ZEB1: variants seen among roughly 807,000 people sequenced by gnomAD.
The protein encoded by ZEB1 is zinc finger E-box-binding homeobox 1.
Under a neutral mutation model 84.9 loss-of-function variants are expected in ZEB1, and 21 were observed. The observed-to-expected ratio is 0.25, with a 90% CI of 0.18 to 0.36. ZEB1 has a LOEUF of 0.36. Ranked by LOEUF, ZEB1 falls within the 10% of genes least tolerant of loss-of-function variation. ZEB1 has a pLI of 1.00. For synonymous variants in ZEB1, 420 were observed against 471.1 expected (o/e 0.89, Z 1.41); for missense variants, 1,104 against 1,330.2 (o/e 0.83, Z 2.65).
intron 1 of ZEB1, among the ~76,000 whole-genome samples, chr10:31,440,796 C>T (rs2058850580): frequency 6.6e-6 from 1 of 152,154 alleles, no homozygotes; most frequent in African/African-American, 2.4e-5. Flanking sequence ...TGAGTGAACC[C>T]CCATTCACAA....
intron 2 of ZEB1, among the ~76,000 whole-genome samples, chr10:31,465,199 T>TA (rs950632960): frequency 6.6e-6 from 1 of 151,890 alleles, no homozygotes; most frequent in South Asian, 2.1e-4. Context: ...AATATAAAAA[T>TA]AAAAAACAAG....
At chr10:31,325,388 T>C (rs2035233196) in intron 1 of ZEB1, among the ~76,000 whole-genome samples, 3 of 152,070 alleles carry the variant, frequency 2.0e-5, no homozygotes, top group Admixed American at 2.0e-4. Context: ...CTTTTCTCTT[T>C]CTTCAAACAG....
At chr10:31,341,022 T>G (rs192663914) in intron 1 of ZEB1, among the ~76,000 whole-genome samples, 9 of 152,196 alleles carry the variant, frequency 5.9e-5, no homozygotes, top group Admixed American at 1.3e-4. Flanking sequence ...TCTGGAGAGA[T>G]ACGAAACCAA....
Position 31,521,328 on chromosome 10 carries a change from G to A in ZEB1, c.1996G>A (p.Ala666Thr). ...PAKNNDQPQS[A>T]NANEPQDSTV... ...CAAGAACAATGATCAGCCTCAATCT[G>A]CAAATGCAAATGAACCCCAGGACAG... The change falls in exon 7 of 9, where the codon GCA becomes ACA. Residue 666 changes from alanine (A) to threonine (T), a missense_variant. Around this residue, in one of 7 missense-constraint regions of ZEB1, gnomAD observed 531 missense variants for 575.2 expected, o/e 0.92. Transcript: ENST00000424869. The A allele has an allele frequency of 6.2e-7, 1 of 1,614,074 alleles. No homozygotes were observed. Among genetic ancestry groups the A allele is most frequent in the Non-Finnish European group, 8.5e-7 (1 of 1,180,008 alleles).
At chr10:31,471,095 G>A (rs1485571700) in intron 2 of ZEB1, among the ~76,000 whole-genome samples, 1 of 131,052 alleles carries the variant, frequency 7.6e-6, no homozygotes, top group Non-Finnish European at 1.6e-5. Flanking sequence ...ACCGGTACCA[G>A]CCGCTGCAAA....
At chr10:31,425,239 TTTTA>T (rs1321312924) in intron 1 of ZEB1, among the ~76,000 whole-genome samples, 1 of 152,042 alleles carries the variant, frequency 6.6e-6, no homozygotes, top group Non-Finnish European at 1.5e-5. Context: ...TAGACAGCCT[TTTTA>T]TTTGAGAATA....
chr10:31,352,521 G>A (rs1807474750), intron 1 of ZEB1, among the ~76,000 whole-genome samples: 1 of 152,136 alleles, frequency 6.6e-6, no homozygotes, highest in Non-Finnish European at 1.5e-5. Flanking sequence ...TCATAATTTT[G>A]AGAGTTGACT....
chr10:31,326,628 A>C (rs963719538), intron 1 of ZEB1, among the ~76,000 whole-genome samples: 4 of 152,228 alleles, frequency 2.6e-5, no homozygotes. Flanking sequence ...ACTAGGTCAC[A>C]GCTTTTTGGG....
chr10:31,321,794 T>C (rs2034153211), intron 1 of ZEB1: 1 of 519,150 alleles, frequency 1.9e-6, no homozygotes, highest in East Asian at 3.2e-5. Context: ...TGAAAGATAC[T>C]TGAAATCAAC....
At chr10:31,454,067 A>G (rs1380905072) in intron 1 of ZEB1, among the ~76,000 whole-genome samples, 2 of 152,208 alleles carry the variant, frequency 1.3e-5, no homozygotes, top group Non-Finnish European at 2.9e-5. Flanking sequence ...CACCACGATC[A>G]AATCAGCTTC....
intron 1 of ZEB1, among the ~76,000 whole-genome samples, chr10:31,346,327 A>T (rs1047852223): frequency 2.0e-5 from 3 of 152,268 alleles, no homozygotes; most frequent in African/African-American, 7.2e-5. Flanking sequence ...TGGTTTTCAG[A>T]ATTCTAGTTA....
intron 1 of ZEB1, among the ~76,000 whole-genome samples, chr10:31,348,220 C>T (rs1334175773): frequency 1.3e-5 from 2 of 152,158 alleles, no homozygotes; most frequent in South Asian, 4.1e-4. Context: ...GAAAAAGGAG[C>T]AAGTTAGGGG....
chr10:31,414,472 C>T (rs1398187342), intron 1 of ZEB1, among the ~76,000 whole-genome samples: 2 of 152,158 alleles, frequency 1.3e-5, no homozygotes, highest in Non-Finnish European at 2.9e-5. Context: ...AAATGCATCA[C>T]TATCTTATGT....
intron 5 of ZEB1, among the ~76,000 whole-genome samples, chr10:31,513,400 T>A (rs2070459268): frequency 6.6e-6 from 1 of 152,144 alleles, no homozygotes; most frequent in Non-Finnish European, 1.5e-5. Context: ...TTGGTGTTAA[T>A]CATGTTAAGT....
chr10:31,529,536 A>C lies in ZEB1; in HGVS notation c.*2272A>C. 6.6e-6 allele frequency: 1 copy of C among 152,302 alleles called. No individual in the cohort carries two copies. The allele number at this position is 152,302 out of a possible 1,614,324, so 9.4% of individuals were successfully genotyped here. ...TCATACCTCTGATACTATTATTTAT[A>C]TTCCTTCCCCACTAGGAACAGGAAC... On this transcript the variant is annotated 3_prime_UTR_variant, in exon 9 of 9. Coordinates refer to ENST00000424869, the MANE Select transcript of ZEB1 (RefSeq NM_001174096.2).
intron 1 of ZEB1, chr10:31,358,672 TA>T (rs1336554881): frequency 1.3e-5 from 2 of 152,190 alleles, no homozygotes; most frequent in Non-Finnish European, 2.9e-5. Context: ...TGGGATAATT[TA>T]CAAAGCAAAA....
chr10:31,487,194 T>C (rs2065865551), intron 2 of ZEB1, among the ~76,000 whole-genome samples: 1 of 151,464 alleles, frequency 6.6e-6, no homozygotes, highest in South Asian at 2.1e-4. Flanking sequence ...GAGGATGTTA[T>C]TTCTCTAATT....
chr10:31,413,035 T>C (rs1250243754), intron 1 of ZEB1, among the ~76,000 whole-genome samples: 1 of 152,192 alleles, frequency 6.6e-6, no homozygotes, highest in East Asian at 1.9e-4. Context: ...ATGATTTTCA[T>C]TTATCTTAAT....
intron 1 of ZEB1, among the ~76,000 whole-genome samples, chr10:31,410,291 G>A (rs2053994483): frequency 6.6e-6 from 1 of 152,162 alleles, no homozygotes; most frequent in African/African-American, 2.4e-5. Context: ...CATTGGTTCT[G>A]TTTATGTGAT....
Sources: allele counts gnomAD v4.1 joint callset (sites outside exome capture counted in the v4.1 genomes callset), GRCh38; gene constraint gnomAD v4.1.1; regional missense constraint gnomAD v4.1.1; transcripts MANE v1.5; gene names NCBI Gene and HGNC (gene_info 2026-07-23, HGNC 2026-07-21).